The following GLB1 variants were observed in gnomAD, a reference collection of about 807,000 sequenced individuals.
GLB1 encodes beta-galactosidase.
GLB1 carries 56 observed loss-of-function variants against 74.0 expected under a neutral mutation model. The ratio of observed to expected loss-of-function variants is 0.76; its 90% CI spans 0.61 to 0.94. GLB1 has a LOEUF of 0.94. Ranked by LOEUF, GLB1 falls within the 40% of genes least tolerant of loss-of-function variation. The probability of loss-of-function intolerance (pLI) is 0.00; values close to 1 mark genes in which losing one functional copy is unlikely to be tolerated. For synonymous variants in GLB1, 323 were observed against 323.6 expected, an observed-to-expected ratio of 1.00 and a Z score of 0.02; for missense variants, 787 against 845.5, an observed-to-expected ratio of 0.93 and a Z score of 0.86.
At position 33,064,680 on chromosome 3, in the gene GLB1, G is replaced by A. The variant is rs553354747; in HGVS notation, c.552+783C>T. 2.5e-4 allele frequency among the ~76,000 whole-genome samples: 37 copies of A among 148,936 alleles called. 1 individual carries two copies. The highest frequency in any genetic ancestry group is 4.2e-4 in the South Asian group (2 of 4,714). ...TAATCCCAGCTACATGGGAGGCTGA[G>A]GTGGGAGAATTGCCTGAACTCAGAA... On this transcript the variant is annotated intron_variant, in intron 5 of 15. Coordinates refer to ENST00000307363, the MANE Select transcript of GLB1 (RefSeq NM_000404.4).
the GLB1 span, among the ~76,000 whole-genome samples, chr3:32,984,210 G>A: frequency 0.082 from 12,440 of 152,122 alleles, 530 homozygotes; most frequent in African/African-American, 0.11. Flanking sequence ...GGGATGGGTT[G>A]TTAGTTATTC....
rs997971667 is a variant in GLB1, at chr3:33,065,705, C to T, written c.458-148G>A. ...TTTTCTGGCTGGGTGCGGTGGCTCACGCCTGTAATCCCAGCACTTTGGGAG... is the reference window on the plus strand; with the variant it reads ...TTTTCTGGCTGGGTGCGGTGGCTCATGCCTGTAATCCCAGCACTTTGGGAG... On this transcript the variant is annotated intron_variant, in intron 4 of 15. Coordinates refer to ENST00000307363, the MANE Select transcript of GLB1 (RefSeq NM_000404.4). 70 of 888,734 alleles carry T rather than the reference C, an allele frequency of 7.9e-5. No individual in the cohort carries two copies. The Middle Eastern group carries it at 2.2e-3, about 27-fold the overall frequency. The allele number at this position is 888,734 out of a possible 1,614,324, so 55.1% of individuals were successfully genotyped here. A position where few individuals can be genotyped will look rare whatever the true frequency, so the allele number is the denominator to read the frequency against.
the GLB1 span, among the ~76,000 whole-genome samples, chr3:32,969,951 C>A: frequency 6.6e-6 from 1 of 152,234 alleles, no homozygotes; most frequent in African/African-American, 2.4e-5. Flanking sequence ...TTATGGACTT[C>A]ACCGAATTGC....
chr3:33,087,119 T>C (rs866530993), intron 1 of GLB1, among the ~76,000 whole-genome samples: 1 of 151,886 alleles, frequency 6.6e-6, no homozygotes, highest in Admixed American at 6.6e-5. Flanking sequence ...TAAAGAATTG[T>C]AAGAGAATAG....
chr3:33,087,579 GCA>G (rs57935919), intron 1 of GLB1, among the ~76,000 whole-genome samples: 12,521 of 141,554 alleles, frequency 0.088, 784 homozygotes, highest in East Asian at 0.14. Context: ...CAGCATGCGC[GCA>G]CACACACACA....
At position 33,069,311 on chromosome 3, in the gene GLB1, G is replaced by T. The variant is rs1432273669; in HGVS notation, c.246-341C>A. On this transcript the variant is annotated intron_variant, in intron 2 of 15. Coordinates refer to ENST00000307363, the MANE Select transcript of GLB1 (RefSeq NM_000404.4). ...TGAGGTGGAGGTTTGCTTAAGCTAG[G>T]GAGGTTGAAGCTGCAGTGAGCTGTG... is the stretch of plus-strand genomic sequence containing the variant. Among the ~76,000 whole-genome samples the T allele has an allele frequency of 2.6e-5, 4 of 152,186 alleles. No homozygotes were observed. In the East Asian group the frequency reaches 7.7e-4, roughly 29 times the overall value.
rs1699437669 is a variant in GLB1, at chr3:33,061,408, CA to C, written c.553-3140del. 1.3e-5 allele frequency among the ~76,000 whole-genome samples: 2 copies of C among 151,674 alleles called. 1 individual carries two copies. The highest frequency in any genetic ancestry group is 4.2e-4 in the South Asian group (2 of 4,816). On this transcript the variant is annotated intron_variant, in intron 5 of 15. Transcript: ENST00000307363. ...CAGCCTGGGTGACAGAGAAAACAAA[CA>C]AACAAACAAACAAACAAAAAACCAC...
chr3:33,079,501 G>A (rs1700246657), intron 1 of GLB1, among the ~76,000 whole-genome samples: 1 of 152,176 alleles, frequency 6.6e-6, no homozygotes, highest in Non-Finnish European at 1.5e-5. Context: ...TGGAGGAATG[G>A]ACTGATAGTA....
At chr3:33,030,111 G>C (rs1388871932) in intron 10 of GLB1, 2 of 152,218 alleles carry the variant, frequency 1.3e-5, no homozygotes, top group African/African-American at 4.8e-5. Context: ...AATAAAGGCA[G>C]AGGGTGCAGA....
intron 10 of GLB1, chr3:33,034,509 C>T (rs1698187862): frequency 1.4e-6 from 1 of 734,820 alleles, no homozygotes; most frequent in Non-Finnish European, 2.5e-6. Context: ...TGGGCCCCCT[C>T]CATCAGCCTG....
chr3:33,096,888 G>C, intron 1 of GLB1, 123 bp downstream of exon 1: 1 of 1,484,478 alleles, frequency 6.7e-7, no homozygotes, highest in East Asian at 2.8e-5. Flanking sequence ...GAGCCTGCTG[G>C]GGGGCACTTC....
At chr3:33,095,744 C>T (rs1049885239) in intron 1 of GLB1, among the ~76,000 whole-genome samples, 1 of 152,178 alleles carries the variant, frequency 6.6e-6, no homozygotes, top group African/African-American at 2.4e-5. Context: ...TGGTTAAGAT[C>T]TGCCTTTCCC....
chr3:33,001,839 A>G (rs554764986), intron 15 of GLB1, among the ~76,000 whole-genome samples: 1 of 152,370 alleles, frequency 6.6e-6, no homozygotes, highest in South Asian at 2.1e-4. Flanking sequence ...AGAGTTTTAA[A>G]GAATATTGTT....
At chr3:32,962,902 C>T in the GLB1 span, among the ~76,000 whole-genome samples, 3 of 151,976 alleles carry the variant, frequency 2.0e-5, no homozygotes, top group Non-Finnish European at 1.5e-5. Context: ...TGTTATTCTT[C>T]AAGACATATT....
intron 1 of GLB1, among the ~76,000 whole-genome samples, chr3:33,095,908 C>T (rs1701005291): frequency 6.6e-6 from 1 of 152,136 alleles, no homozygotes; most frequent in South Asian, 2.1e-4. Flanking sequence ...GAACCACAGA[C>T]GGGGTGAAGA....
intron 14 of GLB1, 62 bp from the exon 15 acceptor site, chr3:33,014,372 C>T: frequency 1.3e-6 from 2 of 1,592,426 alleles, no homozygotes; most frequent in Admixed American, 1.8e-5. Flanking sequence ...TCACATGTCT[C>T]TGCATTCCAG....
chr3:33,023,425 TCAAC>T (rs1697589419), intron 11 of GLB1, among the ~76,000 whole-genome samples: 1 of 152,174 alleles, frequency 6.6e-6, no homozygotes, highest in Non-Finnish European at 1.5e-5. Context: ...TTATAAGAAC[TCAAC>T]CAACCAACCA....
intron 14 of GLB1, among the ~76,000 whole-genome samples, chr3:33,014,911 G>C (rs1231952815): frequency 6.6e-6 from 1 of 152,202 alleles, no homozygotes; most frequent in South Asian, 2.1e-4. Context: ...AGGTTGCAGT[G>C]AGCTGAGATC....
chr3:33,094,020 C>T, intron 1 of GLB1: 1 of 1,614,208 alleles, frequency 6.2e-7, no homozygotes, highest in Middle Eastern at 1.6e-4. Flanking sequence ...GTAGAGGGAG[C>T]CAATGAGCAA....
Sources: gnomAD v4.1 joint callset for allele counts (sites outside exome capture counted in the v4.1 genomes callset) on GRCh38, gnomAD v4.1.1 for gene constraint, MANE v1.5 for transcripts, NCBI Gene and HGNC (gene_info 2026-07-23, HGNC 2026-07-21) for gene names.